The following NWD2 variants were observed in gnomAD, a reference collection of about 807,000 sequenced individuals.
NWD2 encodes NACHT and WD repeat domain-containing protein 2.
A neutral mutation model predicts 132.7 loss-of-function variants in NWD2; 37 were observed. That is an observed-to-expected ratio of 0.28 (90% CI 0.21 to 0.37). NWD2 has a LOEUF of 0.37. Ranked by LOEUF, NWD2 falls within the 10% of genes least tolerant of loss-of-function variation. NWD2 has a pLI of 1.00. For missense variants in NWD2, 1,592 were observed against 2,122.4 expected (o/e 0.75, Z 4.91); for synonymous variants, 705 against 803.0 (o/e 0.88, Z 2.06).
intron 1 of NWD2, among the ~76,000 whole-genome samples, chr4:37,315,868 C>T (rs1718946380): frequency 1.3e-5 from 2 of 151,908 alleles, no homozygotes; most frequent in South Asian, 4.1e-4. Context: ...CTGAGGATTA[C>T]AAAATATTCT....
At chr4:37,304,131 TAC>T in intron 1 of NWD2, among the ~76,000 whole-genome samples, 1 of 152,294 alleles carries the variant, frequency 6.6e-6, no homozygotes, top group African/African-American at 2.4e-5. Flanking sequence ...TCAGAAAACT[TAC>T]AGTCATGGTG....
At chr4:37,442,869 A>G (rs1712522976) in intron 6 of NWD2, among the ~76,000 whole-genome samples, 2 of 152,092 alleles carry the variant, frequency 1.3e-5, no homozygotes, top group South Asian at 4.2e-4. Flanking sequence ...ATCATTACTT[A>G]TCCATTCATT....
intron 1 of NWD2, among the ~76,000 whole-genome samples, chr4:37,292,791 G>C (rs1718391410): frequency 6.6e-6 from 1 of 152,166 alleles, no homozygotes. Flanking sequence ...CTCTTAAAGA[G>C]TGTGCATCCC....
At chr4:37,426,402 A>G (rs557140896) in intron 3 of NWD2, among the ~76,000 whole-genome samples, 1 of 152,218 alleles carries the variant, frequency 6.6e-6, no homozygotes, top group African/African-American at 2.4e-5. Flanking sequence ...TTACCACTTT[A>G]TATATAGTAG....
intron 1 of NWD2, among the ~76,000 whole-genome samples, chr4:37,297,222 A>G (rs566491511): frequency 1.3e-5 from 2 of 152,302 alleles, no homozygotes; most frequent in African/African-American, 4.8e-5. Flanking sequence ...ATGAGATGGC[A>G]TAATATTTGA....
chr4:37,365,766 G>T (rs1720088799), intron 3 of NWD2, among the ~76,000 whole-genome samples: 1 of 152,214 alleles, frequency 6.6e-6, no homozygotes, highest in African/African-American at 2.4e-5. Flanking sequence ...TATTTCCACA[G>T]TAAACTTTTA....
intron 1 of NWD2, among the ~76,000 whole-genome samples, chr4:37,285,335 A>G (rs1160584106): frequency 6.6e-6 from 1 of 152,170 alleles, no homozygotes; most frequent in Admixed American, 6.5e-5. Context: ...TAGCTTTGGA[A>G]TTGTTAGAGA....
At chr4:37,369,035 CTGTT>C (rs1386088978) in intron 3 of NWD2, among the ~76,000 whole-genome samples, 2 of 152,242 alleles carry the variant, frequency 1.3e-5, no homozygotes, top group East Asian at 1.9e-4. Context: ...AAGTTGTTGA[CTGTT>C]TGAGGGCTGA....
chr4:37,260,265 G>T (rs1343000), intron 1 of NWD2, among the ~76,000 whole-genome samples: 3,686 of 152,266 alleles, frequency 0.024, 150 homozygotes, highest in African/African-American at 0.083. Flanking sequence ...GGTTTATACA[G>T]TAGCTCTGTG....
rs1560257659 is a variant in NWD2 at position 37,444,700 on chromosome 4, T to A, written c.2712T>A (p.Thr904=). 1 of 1,552,170 alleles carries A rather than the reference T, an allele frequency of 6.4e-7. No individual in the cohort carries two copies. The part of the protein sequence containing the change: ...NTLRSIKNKV[T]AFPGSLSAEL... ...TCCGCAGCATCAAAAACAAGGTCACTGCATTTCCCGGCTCCCTTTCAGCAG... is the reference window on the plus strand; with the variant it reads ...TCCGCAGCATCAAAAACAAGGTCACAGCATTTCCCGGCTCCCTTTCAGCAG... Residue 904 remains threonine, a synonymous_variant, in exon 7 of 7, where the codon ACT becomes ACA. Coordinates refer to ENST00000309447, the MANE Select transcript of NWD2 (RefSeq NM_001144990.2). The surrounding 1 kb of genome is among the most constrained non-coding windows in gnomAD (Gnocchi z 4.8).
chr4:37,247,497 C>T (rs984273264), intron 1 of NWD2, among the ~76,000 whole-genome samples: 1 of 152,174 alleles, frequency 6.6e-6, no homozygotes, highest in Non-Finnish European at 1.5e-5. Context: ...ACTCAGAACC[C>T]AGCAAGGATT....
intron 1 of NWD2, among the ~76,000 whole-genome samples, chr4:37,315,626 T>C (rs537533845): frequency 6.6e-6 from 1 of 152,128 alleles, no homozygotes; most frequent in Non-Finnish European, 1.5e-5. Flanking sequence ...GATATTGTTT[T>C]GTTATCTAGC....
intron 3 of NWD2, among the ~76,000 whole-genome samples, chr4:37,417,707 A>G (rs1711665788): frequency 6.6e-6 from 1 of 152,192 alleles, no homozygotes; most frequent in Non-Finnish European, 1.5e-5. Context: ...TCATACAGCT[A>G]TACATGTATC....
intron 3 of NWD2, among the ~76,000 whole-genome samples, chr4:37,377,548 A>C (rs776676446): frequency 2.0e-5 from 3 of 152,182 alleles, no homozygotes; most frequent in Non-Finnish European, 2.9e-5. Flanking sequence ...CCTGACCAAC[A>C]TGGAGAAACC....
intron 2 of NWD2, among the ~76,000 whole-genome samples, chr4:37,350,692 T>C (rs183503031): frequency 7.9e-5 from 12 of 152,272 alleles, no homozygotes; most frequent in Non-Finnish European, 1.5e-4. Flanking sequence ...TTTTGCCTGA[T>C]TGCCCTGGCC....
Position 37,314,806 on chromosome 4 carries a change from G to A in NWD2, c.152-11130G>A, listed in dbSNP as rs899705129. On this transcript the variant is annotated intron_variant, in intron 1 of 6. Coordinates refer to ENST00000309447, the MANE Select transcript of NWD2 (RefSeq NM_001144990.2). ...AATCCTTATTTTCTTCCTTGAGTTT[G>A]TTTTGGGTTCAGTTTGTTTAAATTT... Among the ~76,000 whole-genome samples, 5 of 152,072 alleles carry A rather than the reference G, an allele frequency of 3.3e-5. No homozygotes were observed. In the Middle Eastern group the frequency reaches 0.01, roughly 310 times the overall value.
At chr4:37,286,085 G>A (rs1230254109) in intron 1 of NWD2, among the ~76,000 whole-genome samples, 1 of 152,162 alleles carries the variant, frequency 6.6e-6, no homozygotes, top group African/African-American at 2.4e-5. Context: ...TGAACAAGTA[G>A]GATGTAACAT....
intron 3 of NWD2, among the ~76,000 whole-genome samples, chr4:37,429,140 A>G (rs749102372): frequency 6.6e-6 from 1 of 152,242 alleles, no homozygotes; most frequent in Non-Finnish European, 1.5e-5. Flanking sequence ...AACTTATTAA[A>G]TGACCTATGT....
At chr4:37,284,098 G>A (rs1478704761) in intron 1 of NWD2, among the ~76,000 whole-genome samples, 2 of 151,956 alleles carry the variant, frequency 1.3e-5, no homozygotes, top group African/African-American at 4.8e-5. Flanking sequence ...CCATATATTG[G>A]GTGGCTCATA....
Sources: allele counts gnomAD v4.1 joint callset (sites outside exome capture counted in the v4.1 genomes callset), GRCh38; gene constraint gnomAD v4.1.1; non-coding constraint Gnocchi (gnomAD v3.1); transcripts MANE v1.5; gene names NCBI Gene and HGNC (gene_info 2026-07-23, HGNC 2026-07-21).